STAB1: variants seen among roughly 807,000 people sequenced by gnomAD.
STAB1 encodes stabilin-1.
In STAB1, 250 loss-of-function variants were observed where a neutral mutation model predicts 332.4. The ratio of observed to expected loss-of-function variants is 0.75; its 90% confidence interval spans 0.68 to 0.84. The LOEUF (loss-of-function observed/expected upper bound fraction) is 0.84. Ranked by LOEUF, STAB1 falls within the 40% of genes least tolerant of loss-of-function variation. The pLI, the probability that STAB1 is intolerant of heterozygous loss-of-function variation, is 0.00. For synonymous variants in STAB1, 1,475 were observed against 1,390.4 expected, an observed-to-expected ratio of 1.06 and a Z score of -1.35; for missense variants, 3,249 against 3,489.7, an observed-to-expected ratio of 0.93 and a Z score of 1.74.
At position 52,495,506 on chromosome 3, in the gene STAB1, G is replaced by A; in HGVS notation, c.78+15G>A. ...TCAGGGGGCAGGTAAGTGTGAGCCAGTCGCAGGGGCACACGGCGTCTGGGC... is the reference window on the plus strand; with the variant it reads ...TCAGGGGGCAGGTAAGTGTGAGCCAATCGCAGGGGCACACGGCGTCTGGGC... On this transcript the variant is annotated intron_variant, in intron 1 of 68. Coordinates refer to ENST00000321725, the MANE Select transcript of STAB1 (RefSeq NM_015136.3). The A allele has an allele frequency of 7.6e-7, 1 of 1,323,134 alleles. No individual in the cohort carries two copies. The highest frequency in any genetic ancestry group is 9.7e-7 in the Non-Finnish European group (1 of 1,028,692). 82.0% of individuals were successfully genotyped at this position (1,323,134 alleles called of 1,614,324 possible). A position where few individuals can be genotyped will look rare whatever the true frequency, so the allele number is the denominator to read the frequency against.
chr3:52,518,710 G>T lies in STAB1; in HGVS notation c.4888-13G>T. 1.2e-6 allele frequency: 2 copies of T among 1,612,172 alleles called. No individual in the cohort carries two copies. Among genetic ancestry groups the T allele is most frequent in the Non-Finnish European group, 1.7e-6 (2 of 1,179,528 alleles). On this transcript the variant is annotated splice_polypyrimidine_tract_variant and intron_variant, in intron 47 of 68. Coordinates refer to ENST00000321725, the MANE Select transcript of STAB1 (RefSeq NM_015136.3). ...CAGTCAGGGACCCCACTCCCCTCGC[G>T]ACTCTGCTCCAGGATGAGCTGGCCC... is the stretch of plus-strand genomic sequence containing the variant.
intron 50 of STAB1, 142 bp downstream of exon 50, chr3:52,519,706 GCCA>G (rs1378763805): frequency 7.6e-7 from 1 of 1,316,858 alleles, no homozygotes; most frequent in Non-Finnish European, 1.0e-6. Flanking sequence ...GTGTGCACAA[GCCA>G]CATCTGTGTG....
Position 52,524,211 on chromosome 3 carries a change from G to T in STAB1, c.7654G>T (p.Asp2552Tyr). 1 of 1,614,070 alleles carries T rather than the reference G, an allele frequency of 6.2e-7. No individual in the cohort carries two copies. The highest frequency in any genetic ancestry group is 1.6e-4 in the Middle Eastern group (1 of 6,062). ...FGSDTFCEPFDDSLLEEDFPD... is the reference protein window; with the variant it reads ...FGSDTFCEPFYDSLLEEDFPD... ...CAGCGACACCTTTTGTGAACCCTTCGATGTAAGCATGGAAGTGAAGAAGTG... is the reference window on the plus strand; with the variant it reads ...CAGCGACACCTTTTGTGAACCCTTCTATGTAAGCATGGAAGTGAAGAAGTG... The change falls in exon 68 of 69, where the codon GAT becomes TAT. Residue 2552 changes from aspartate to tyrosine, a missense_variant and splice_region_variant. Coordinates refer to ENST00000321725, the MANE Select transcript of STAB1 (RefSeq NM_015136.3).
Position 52,522,621 on chromosome 3 carries a change from C to T in STAB1, c.6677C>T (p.Ala2226Val). Residue 2226 changes from alanine to valine, a missense_variant, in exon 61 of 69, where the codon GCT (alanine) becomes GTT (valine). By Grantham distance (64) the Ala-to-Val change is moderately conservative. Transcript: ENST00000321725. Reference protein sequence around the residue: ...SGPYGLNFSEAEAACEAQGAV... With the variant: ...SGPYGLNFSEVEAACEAQGAV... ...CCTTATGGTCTGAACTTTTCGGAGG[C>T]TGAGGCGGCATGCGAAGCACAGGGA... is the stretch of plus-strand genomic sequence containing the variant. 2 of 1,612,976 alleles carry T rather than the reference C, an allele frequency of 1.2e-6. No individual in the cohort carries two copies. Among genetic ancestry groups the T allele is most frequent in the Non-Finnish European group, 8.5e-7 (1 of 1,180,034 alleles).
rs755055681 is a variant in STAB1, at chr3:52,520,222, C to T, written c.5431C>T (p.Pro1811Ser). The T allele has an allele frequency of 8.1e-6, 13 of 1,613,164 alleles. No individual in the cohort carries two copies. In the Admixed American group the frequency reaches 2.0e-4, roughly 25 times the overall value. Residue 1811 changes from proline (P) to serine (S), a missense_variant, in exon 52 of 69, where the codon CCC becomes TCC. Physicochemically the swap from Pro to Ser is moderately conservative, Grantham distance 74 (BLOSUM62 -1). Transcript: ENST00000321725. Reference sequence around the variant, plus strand: ...TGCTCAGGCCTTGGCATCTGACCTGCCCAACCTGGGCCCACTTCGAACCAT... The same window carrying T: ...TGCTCAGGCCTTGGCATCTGACCTGTCCAACCTGGGCCCACTTCGAACCAT... ...RNVEALASDL[P>S]NLGPLRTMHG...
rs1436515398 is a variant in STAB1 at position 52,524,332 on chromosome 3, C to A, written c.7689C>A (p.Thr2563=). ...TGCTGGAGGAGGACTTCCCTGACAC[C>A]CAGAGGATCCTCACAGTCAAGTGAC... is the stretch of plus-strand genomic sequence containing the variant. ...DSLLEEDFPD[T]QRILTVK Residue 2563 remains threonine, a synonymous_variant, in exon 69 of 69, where the codon ACC becomes ACA. Transcript: ENST00000321725. 1 of 1,613,752 alleles carries A rather than the reference C, an allele frequency of 6.2e-7. No homozygotes were observed.
Position 52,505,064 on chromosome 3 carries a change from A to G in STAB1, c.1439A>G (p.Asn480Ser), listed in dbSNP as rs1389647593. The change falls in exon 13 of 69, where the codon AAC (asparagine) becomes AGC (serine). Residue 480 changes from asparagine to serine, a missense_variant. Asn to Ser is a conservative substitution (Grantham distance 46, BLOSUM62 1). Coordinates refer to ENST00000321725, the MANE Select transcript of STAB1 (RefSeq NM_015136.3). ...QQTFNIYKAN[N>S]IAANGVFHVV... ...ACGTTCAACATCTACAAGGCCAACA[A>G]CATAGCAGCTAATGGCGTCTTCCAC... The G allele has an allele frequency of 3.7e-6, 6 of 1,613,774 alleles. No homozygotes were observed. Among genetic ancestry groups the G allele is most frequent in the Non-Finnish European group, 5.1e-6 (6 of 1,180,004 alleles).
chr3:52,514,368 G>A lies in STAB1; in HGVS notation c.3550G>A (p.Ala1184Thr), dbSNP rs773776141. ...GGGTTCTCTCCTTCTCTTCCAGGACGCAGACACAGTGCGGCACCATGTGGT... is the reference window on the plus strand; with the variant it reads ...GGGTTCTCTCCTTCTCTTCCAGGACACAGACACAGTGCGGCACCATGTGGT... ...EAQGNSSHLD[A>T]DTVRHHVVLG... The change falls in exon 34 of 69, where the codon GCA becomes ACA. Residue 1184 changes from alanine (A) to threonine (T), a missense_variant. Coordinates refer to ENST00000321725, the MANE Select transcript of STAB1 (RefSeq NM_015136.3). 149 of 1,544,704 alleles carry A rather than the reference G, an allele frequency of 9.6e-5. No individual in the cohort carries two copies. Among genetic ancestry groups the A allele is most frequent in the Non-Finnish European group, 1.3e-4 (145 of 1,143,262 alleles).
chr3:52,505,816 G>C, intron 15 of STAB1, 35 bp downstream of exon 15: 1 of 1,613,748 alleles, frequency 6.2e-7, no homozygotes, highest in East Asian at 2.2e-5. Flanking sequence ...GCGGGTATGG[G>C]GGCACCAGGA....
chr3:52,520,757 C>T (rs377668007), intron 54 of STAB1, 47 bp from the exon 55 acceptor site: 1 of 1,612,674 alleles, frequency 6.2e-7, no homozygotes, highest in Non-Finnish European at 8.5e-7. Context: ...GCCCAAGGAC[C>T]ACCAAACTCA....
rs1244002372 is a variant in STAB1, at chr3:52,507,985, C to G, written c.2107C>G (p.Leu703Val). The change falls in exon 20 of 69, where the codon CTA becomes GTA. Residue 703 changes from leucine (L) to valine (V), a missense_variant. Physicochemically the swap from Leu to Val is conservative, Grantham distance 32. Coordinates refer to ENST00000321725, the MANE Select transcript of STAB1 (RefSeq NM_015136.3). Reference sequence around the variant, plus strand: ...CCATGACCCAACGGGGCTCAATGTGCTAAAGAAGGGCTGTGCCAGCTACTG... The same window carrying G: ...CCATGACCCAACGGGGCTCAATGTGGTAAAGAAGGGCTGTGCCAGCTACTG... ...YIHDPTGLNV[L>V]KKGCASYCNQ... 1 of 1,613,682 alleles carries G rather than the reference C, an allele frequency of 6.2e-7. No individual in the cohort carries two copies. The highest frequency in any genetic ancestry group is 8.5e-7 in the Non-Finnish European group (1 of 1,179,998).
intron 3 of STAB1, 42 bp from the exon 4 acceptor site, chr3:52,501,964 G>T: frequency 6.2e-7 from 1 of 1,607,710 alleles, no homozygotes; most frequent in Non-Finnish European, 8.5e-7. Context: ...AGGGTAAGCG[G>T]AGGGTTCTGG....
intron 55 of STAB1, 73 bp from the exon 56 acceptor site, chr3:52,521,288 G>A (rs2079063390): frequency 1.9e-6 from 3 of 1,596,212 alleles, no homozygotes; most frequent in Non-Finnish European, 2.6e-6. Flanking sequence ...GGCAGGGCTA[G>A]GCTGGAGGTA....
Position 52,514,165 on chromosome 3 carries a change from T to C in STAB1, c.3498T>C (p.Phe1166=), listed in dbSNP as rs1173541178. ...AGGCTGCCACTGCCTACACCATCTT[T>C]GTGCCCACCAACCGCTCCCTGGAGG... ...QIEAATAYTI[F]VPTNRSLEAQ... The change falls in exon 33 of 69, where the codon TTT becomes TTC. Residue 1166 remains phenylalanine, a synonymous_variant. Transcript: ENST00000321725. The C allele has an allele frequency of 6.2e-7, 1 of 1,613,398 alleles. No individual in the cohort carries two copies. The highest frequency in any genetic ancestry group is 8.5e-7 in the Non-Finnish European group (1 of 1,179,986).
At chr3:52,502,553 A>G (rs1172497749) in intron 5 of STAB1, 79 bp from the exon 6 acceptor site, 23 of 1,310,852 alleles carry the variant, frequency 1.8e-5, no homozygotes, top group Non-Finnish European at 7.7e-6. Flanking sequence ...TTCTAAAAAT[A>G]CAGAGAGCAG....
intron 41 of STAB1, 40 bp from the exon 42 acceptor site, chr3:52,516,944 C>G (rs375320937): frequency 1.2e-6 from 2 of 1,608,694 alleles, no homozygotes; most frequent in Admixed American, 3.3e-5. Context: ...CCTCCGGCCC[C>G]GTGCCTGCTC....
intron 37 of STAB1, 148 bp from the exon 38 acceptor site, chr3:52,515,895 T>C: frequency 2.2e-6 from 2 of 919,212 alleles, no homozygotes; most frequent in Non-Finnish European, 3.2e-6. Flanking sequence ...TCTCTGTGTC[T>C]CTTTCAGCTC....
chr3:52,504,747 T>C lies in STAB1; in HGVS notation c.1248T>C (p.Leu416=). ...SFSSRTMNAS[L]AQQLCRQHII... is the part of the protein sequence containing the mutation. Reference sequence around the variant, plus strand: ...CCGCCTTGCGTCTGCAGGCATCCCTTGCCCAGCAGCTCTGTAGACAGCACA... The same window carrying C: ...CCGCCTTGCGTCTGCAGGCATCCCTCGCCCAGCAGCTCTGTAGACAGCACA... Residue 416 remains leucine (L), a synonymous_variant, in exon 12 of 69, where the codon CTT becomes CTC. Coordinates refer to ENST00000321725, the MANE Select transcript of STAB1 (RefSeq NM_015136.3). The C allele has an allele frequency of 6.2e-7, 1 of 1,613,770 alleles. No homozygotes were observed. Among genetic ancestry groups the C allele is most frequent in the East Asian group, 2.2e-5 (1 of 44,890 alleles).
In STAB1 at chr3:52,506,751, C is replaced by T. The variant is rs1708902399; in HGVS notation, c.1890C>T (p.Ala630=). Residue 630 remains alanine, a synonymous_variant, in exon 18 of 69, where the codon GCC becomes GCT. Coordinates refer to ENST00000321725, the MANE Select transcript of STAB1 (RefSeq NM_015136.3). ...TGCAGAGGGTAGACGTGATGGCCGC[C>T]AATGGTGTGATCCACATGCTGGACG... ...VPLQRVDVMA[A]NGVIHMLDGI... The T allele has an allele frequency of 6.2e-7, 1 of 1,612,620 alleles. No individual in the cohort carries two copies. Among genetic ancestry groups the T allele is most frequent in the Admixed American group, 1.7e-5 (1 of 59,994 alleles).
Sources: gnomAD v4.1 joint callset for allele counts on GRCh38, gnomAD v4.1.1 for gene constraint, MANE v1.5 for transcripts, NCBI Gene and HGNC (gene_info 2026-07-23, HGNC 2026-07-21) for gene names.